Variants in USP9Y observed in about 807,000 individuals in gnomAD.
USP9Y encodes the protein ubiquitin carboxyl-terminal hydrolase 9Y.
In USP9Y, 41 loss-of-function variants were observed where a neutral mutation model predicts 53.1. The ratio of observed to expected loss-of-function variants is 0.77; its 90% CI spans 0.60 to 1.00. USP9Y has a LOEUF of 1.00. Among genes scored for constraint, USP9Y ranks in the 50% least tolerant of loss-of-function variants. USP9Y has a pLI of 0.00. For synonymous variants in USP9Y, 220 were observed against 173.7 expected, an observed-to-expected ratio of 1.27 and a Z score of -2.09; for missense variants, 567 against 535.8, an observed-to-expected ratio of 1.06 and a Z score of -0.58.
intron 6 of USP9Y, among the ~76,000 whole-genome samples, chrY:12,725,573 A>G: frequency 3.0e-5 from 1 of 33,757 alleles, no homozygotes; most frequent in Non-Finnish European, 7.3e-5. Flanking sequence ...AACAAAGGAT[A>G]TAATTTCAGT....
At chrY:12,742,876 G>A in intron 12 of USP9Y, among the ~76,000 whole-genome samples, 2 of 32,777 alleles carry the variant, frequency 6.1e-5, no homozygotes, top group Non-Finnish European at 1.5e-4. Flanking sequence ...GAACATCTGT[G>A]TCATCACAAG....
At chrY:12,854,632 G>A in intron 42 of USP9Y, among the ~76,000 whole-genome samples, 1 of 32,218 alleles carries the variant, frequency 3.1e-5, no homozygotes, top group Non-Finnish European at 7.6e-5. Flanking sequence ...TTGATCTCCT[G>A]ACCTCGTGAT....
At chrY:12,724,072 A>G in intron 5 of USP9Y, among the ~76,000 whole-genome samples, 3 of 33,712 alleles carry the variant, frequency 8.9e-5, no homozygotes, top group Non-Finnish European at 1.5e-4. Flanking sequence ...GTCTAACACT[A>G]CAAAATGAAC....
At chrY:12,763,697 G>A in intron 15 of USP9Y, among the ~76,000 whole-genome samples, 1 of 15,872 alleles carries the variant, frequency 6.3e-5, no homozygotes, top group African/African-American at 2.6e-4. Flanking sequence ...TTTTGAGGCA[G>A]GTTCCTACTG....
intron 12 of USP9Y, among the ~76,000 whole-genome samples, chrY:12,745,684 A>T: frequency 5.8e-5 from 2 of 34,195 alleles, no homozygotes; most frequent in Non-Finnish European, 1.5e-4. Context: ...AGTCAAGAAT[A>T]CTTACAACAA....
rs780060809 is a variant in USP9Y at position 12,786,677 on chromosome Y, G to A, written c.3438G>A (p.Arg1146=). The A allele has an allele frequency of 1.5e-5, 6 of 395,244 alleles. No individual in the cohort carries two copies. In the African/African-American group the frequency reaches 3.3e-4, roughly 22 times the overall value. The change falls in exon 24 of 46, where the codon AGG becomes AGA. Residue 1146 remains arginine (R), a synonymous_variant. Coordinates refer to ENST00000338981, the MANE Select transcript of USP9Y (RefSeq NM_004654.4). ...FLPNTDMETR[R]GAYLNALKIA... ...CAAATACAGATATGGAAACTCGAAG[G>A]GGTGCTTATTTAAATGCTCTTAAAA...
chrY:12,713,021 G>T (rs2053426329), intron 3 of USP9Y, among the ~76,000 whole-genome samples: 1 of 31,689 alleles, frequency 3.2e-5, no homozygotes, highest in South Asian at 7.0e-4. Context: ...TGTTGTTAAT[G>T]CTATTTTAAT....
intron 26 of USP9Y, 127 bp downstream of exon 26, chrY:12,791,751 T>A: frequency 7.0e-6 from 1 of 142,905 alleles, no homozygotes; most frequent in Non-Finnish European, 1.2e-5. Context: ...AATTTATTGC[T>A]ACCTATAAAT....
Position 12,778,766 on chromosome Y carries a change from C to T in USP9Y, c.3030+11C>T. 5.1e-6 allele frequency: 2 copies of T among 390,609 alleles called. No individual in the cohort carries two copies. The highest frequency in any genetic ancestry group is 7.2e-6 in the Non-Finnish European group (2 of 276,562). ...TGTTTGCCTGGGGTGGTGAGTAATT[C>T]TCTATTCAAAATATGAAGAAATGTG... is the stretch of plus-strand genomic sequence containing the variant. On this transcript the variant is annotated intron_variant, in intron 21 of 45. Transcript: ENST00000338981.
At chrY:12,777,008 T>C in intron 19 of USP9Y, 148 bp downstream of exon 19, 2 of 152,317 alleles carry the variant, frequency 1.3e-5, no homozygotes, top group Non-Finnish European at 2.4e-5. Context: ...AAAACAGCTA[T>C]ATCTTTTTTA....
At chrY:12,846,661 G>T in intron 40 of USP9Y, 143 bp downstream of exon 40, 1 of 181,490 alleles carries the variant, frequency 5.5e-6, no homozygotes, top group Non-Finnish European at 9.3e-6. Context: ...TATTTCTTAA[G>T]TTTTAGCTTT....
At chrY:12,795,779 A>G (rs2053512351) in intron 27 of USP9Y, among the ~76,000 whole-genome samples, 1 of 33,442 alleles carries the variant, frequency 3.0e-5, no homozygotes, top group Admixed American at 2.7e-4. Context: ...TTTTTGAACT[A>G]TATAGGATAA....
chrY:12,764,928 C>T (rs2053478999), intron 15 of USP9Y, among the ~76,000 whole-genome samples: 1 of 32,313 alleles, frequency 3.1e-5, no homozygotes, highest in African/African-American at 1.2e-4. Context: ...CCTACAAAGT[C>T]AGACACCCCA....
At chrY:12,790,197 G>A (rs2053506099) in intron 24 of USP9Y, among the ~76,000 whole-genome samples, 1 of 32,540 alleles carries the variant, frequency 3.1e-5, no homozygotes, top group Non-Finnish European at 7.5e-5. Flanking sequence ...ACCTCCGTAC[G>A]TCTATCACTT....
At chrY:12,724,983 T>C (rs2053439804) in intron 5 of USP9Y, 130 bp from the exon 6 acceptor site, 1 of 163,759 alleles carries the variant, frequency 6.1e-6, no homozygotes, top group Non-Finnish European at 1.2e-5. Flanking sequence ...TATAATGTCA[T>C]GTCTCATTTC....
intron 17 of USP9Y, among the ~76,000 whole-genome samples, chrY:12,774,973 C>G: frequency 3.0e-5 from 1 of 33,307 alleles, no homozygotes; most frequent in African/African-American, 1.2e-4. Context: ...CATTTCTTTG[C>G]TTAGTTTCCC....
chrY:12,731,055 C>T (rs2053446796), intron 7 of USP9Y, among the ~76,000 whole-genome samples: 1 of 32,607 alleles, frequency 3.1e-5, no homozygotes, highest in Non-Finnish European at 7.5e-5. Flanking sequence ...CTTCTCATTT[C>T]CTTTTAGGCA....
At chrY:12,722,388 A>G in intron 5 of USP9Y, among the ~76,000 whole-genome samples, 6 of 32,270 alleles carry the variant, frequency 1.9e-4, no homozygotes, top group Admixed American at 1.8e-3. Flanking sequence ...ACACACATAT[A>G]TATATATACA....
chrY:12,811,679 A>G lies in USP9Y; in HGVS notation c.4284A>G (p.Ile1428Met). 2.5e-6 allele frequency: 1 copy of G among 398,046 alleles called. No homozygotes were observed. Among genetic ancestry groups the G allele is most frequent in the Non-Finnish European group, 3.5e-6 (1 of 282,653 alleles). Reference sequence around the variant, plus strand: ...GTGAAACAGGTGTCGAAGAGCCAATACTGGAAGGCCACCTTGGGGTAACAA... The same window carrying G: ...GTGAAACAGGTGTCGAAGAGCCAATGCTGGAAGGCCACCTTGGGGTAACAA... ...NTGETGVEEP[I>M]LEGHLGVTKE... The change falls in exon 30 of 46, where the codon ATA (isoleucine) becomes ATG (methionine). Residue 1428 changes from isoleucine to methionine, a missense_variant. Transcript: ENST00000338981.
Sources: gnomAD v4.1 joint callset for allele counts (sites outside exome capture counted in the v4.1 genomes callset) on GRCh38, gnomAD v4.1.1 for gene constraint, MANE v1.5 for transcripts, NCBI Gene and HGNC (gene_info 2026-07-23, HGNC 2026-07-21) for gene names.